Variants in PCNX2 observed in about 807,000 individuals in gnomAD.
PCNX2 encodes pecanex-like protein 2.
A neutral mutation model predicts 223.8 loss-of-function variants in PCNX2; 168 were observed. That is an observed-to-expected ratio of 0.75 (90% CI 0.66 to 0.85). The LOEUF (loss-of-function observed/expected upper bound fraction) is 0.85. Ranked by LOEUF, PCNX2 falls within the 40% of genes least tolerant of loss-of-function variation. PCNX2 has a pLI of 0.00. For missense variants in PCNX2, 2,507 were observed against 2,675.5 expected (o/e 0.94, Z 1.39); for synonymous variants, 1,006 against 1,052.6 (o/e 0.96, Z 0.86).
chr1:233,002,708 G>A (rs1670130117), intron 28 of PCNX2, among the ~76,000 whole-genome samples: 2 of 152,138 alleles, frequency 1.3e-5, no homozygotes, highest in Non-Finnish European at 1.5e-5. Flanking sequence ...ACAATCCTAA[G>A]CAAAAAGAAC....
Position 233,041,017 on chromosome 1 carries a change from T to C in PCNX2, c.4351+13251A>G, listed in dbSNP as rs564343448. Among the ~76,000 whole-genome samples the C allele has an allele frequency of 2.1e-4, 32 of 152,260 alleles. 1 individual carries two copies. In the South Asian group the frequency reaches 6.6e-3, roughly 32 times the overall value. On this transcript the variant is annotated intron_variant, in intron 25 of 33. Coordinates refer to ENST00000258229, the MANE Select transcript of PCNX2 (RefSeq NM_014801.4). The stretch of plus-strand genomic sequence containing the variant: ...CGATTCATTAGTCCTGTTTCTTCCC[T>C]CTTTCACACCCTCACTTCCCTTCAT...
At chr1:233,066,857 T>C (rs982479297) in intron 23 of PCNX2, among the ~76,000 whole-genome samples, 1 of 152,110 alleles carries the variant, frequency 6.6e-6, no homozygotes, top group African/African-American at 2.4e-5. Context: ...CAGACTTTCA[T>C]AATTTTCCTG....
the PCNX2 span, among the ~76,000 whole-genome samples, chr1:233,326,916 A>G: frequency 6.6e-6 from 1 of 152,164 alleles, no homozygotes; most frequent in African/African-American, 2.4e-5. Context: ...CTGAGTAGAC[A>G]GTAAAAATAA....
intron 21 of PCNX2, among the ~76,000 whole-genome samples, chr1:233,111,806 T>C (rs1234673101): frequency 6.6e-6 from 1 of 152,228 alleles, no homozygotes; most frequent in Non-Finnish European, 1.5e-5. Flanking sequence ...TTTTATCTTC[T>C]AGAAGATTTG....
At chr1:233,278,184 T>G (rs1168144053) in intron 1 of PCNX2, among the ~76,000 whole-genome samples, 2 of 120,930 alleles carry the variant, frequency 1.7e-5, no homozygotes, top group Non-Finnish European at 3.8e-5. Context: ...CAGTCAACAC[T>G]GGGCCCTTTC....
intron 10 of PCNX2, among the ~76,000 whole-genome samples, chr1:233,219,725 C>T (rs1657256125): frequency 6.6e-6 from 1 of 152,134 alleles, no homozygotes; most frequent in South Asian, 2.1e-4. Context: ...TCCCCACAGA[C>T]ACATGCACAC....
At chr1:233,094,874 A>T (rs1328672470) in intron 22 of PCNX2, among the ~76,000 whole-genome samples, 1 of 152,178 alleles carries the variant, frequency 6.6e-6, no homozygotes, top group Admixed American at 6.5e-5. Context: ...GCCCAGTGAA[A>T]TTTGATTTAA....
At chr1:233,026,517 T>C (rs543841973) in intron 25 of PCNX2, among the ~76,000 whole-genome samples, 1 of 151,994 alleles carries the variant, frequency 6.6e-6, no homozygotes, top group East Asian at 1.9e-4. Flanking sequence ...GGAACAAGAG[T>C]GGGAGCCAGG....
chr1:233,155,583 T>C (rs995369695), intron 19 of PCNX2, among the ~76,000 whole-genome samples: 1 of 152,224 alleles, frequency 6.6e-6, no homozygotes, highest in African/African-American at 2.4e-5. Context: ...GTAATCCATT[T>C]GTATGGTAAG....
At chr1:233,260,649 C>G (rs901864155) in intron 4 of PCNX2, among the ~76,000 whole-genome samples, 1 of 151,952 alleles carries the variant, frequency 6.6e-6, no homozygotes, top group Non-Finnish European at 1.5e-5. Context: ...CAGCTATTTT[C>G]TAGAGCGAAT....
intron 23 of PCNX2, among the ~76,000 whole-genome samples, chr1:233,070,905 C>T (rs1368002091): frequency 6.6e-6 from 1 of 151,984 alleles, no homozygotes; most frequent in African/African-American, 2.4e-5. Context: ...GGTTTGGTGG[C>T]GGGCGCCTGT....
chr1:233,247,156 T>C (rs1274035069), intron 8 of PCNX2, among the ~76,000 whole-genome samples: 2 of 152,210 alleles, frequency 1.3e-5, no homozygotes, highest in Admixed American at 1.3e-4. Flanking sequence ...TGAGCACGAA[T>C]TAAACAGATG....
chr1:233,132,040 G>A (rs1050355836), intron 21 of PCNX2, among the ~76,000 whole-genome samples: 6 of 151,842 alleles, frequency 4.0e-5, no homozygotes, highest in South Asian at 2.1e-4. Context: ...AGGTTCAAGC[G>A]ATTCTCCTGC....
At chr1:233,168,845 C>A (rs564602643) in intron 17 of PCNX2, among the ~76,000 whole-genome samples, 2 of 152,114 alleles carry the variant, frequency 1.3e-5, no homozygotes, top group African/African-American at 4.8e-5. Context: ...TTCATCTTGA[C>A]ACAATTGGCA....
intron 8 of PCNX2, chr1:233,241,310 A>G (rs1213151018): frequency 6.1e-6 from 6 of 985,328 alleles, no homozygotes; most frequent in Non-Finnish European, 7.2e-6. Context: ...ACAGAACCAC[A>G]CTGAGCGGCA....
intron 19 of PCNX2, among the ~76,000 whole-genome samples, chr1:233,145,711 A>T (rs1433109335): frequency 6.6e-6 from 1 of 152,142 alleles, no homozygotes; most frequent in Non-Finnish European, 1.5e-5. Flanking sequence ...TTTACCACTG[A>T]CAGTGTTTAG....
intron 21 of PCNX2, among the ~76,000 whole-genome samples, chr1:233,119,834 A>C (rs189492641): frequency 6.6e-6 from 1 of 152,246 alleles, no homozygotes; most frequent in Admixed American, 6.5e-5. Flanking sequence ...AGTGGGAGAA[A>C]GTATTTGCAG....
At chr1:233,020,372 G>A (rs144803244) in intron 26 of PCNX2, among the ~76,000 whole-genome samples, 1 of 152,224 alleles carries the variant, frequency 6.6e-6, no homozygotes, top group African/African-American at 2.4e-5. Flanking sequence ...AAATCCTTCA[G>A]AATCTGTCCG....
At chr1:233,027,823 G>A (rs1671135025) in intron 25 of PCNX2, among the ~76,000 whole-genome samples, 1 of 152,040 alleles carries the variant, frequency 6.6e-6, no homozygotes, top group Non-Finnish European at 1.5e-5. Flanking sequence ...TTTGCCAAAC[G>A]CTGGCTTACA....
Sources: allele counts gnomAD v4.1 joint callset (sites outside exome capture counted in the v4.1 genomes callset), GRCh38; gene constraint gnomAD v4.1.1; transcripts MANE v1.5; gene names NCBI Gene and HGNC (gene_info 2026-07-23, HGNC 2026-07-21).